MTA3: variants seen among roughly 807,000 people sequenced by gnomAD.
The protein encoded by MTA3 is metastasis associated 1 family member 3.
A neutral mutation model predicts 83.5 loss-of-function variants in MTA3; 34 were observed. The ratio of observed to expected loss-of-function variants is 0.41; its 90% confidence interval spans 0.31 to 0.54. MTA3 has a LOEUF of 0.54. Ranked by LOEUF, MTA3 falls within the 20% of genes least tolerant of loss-of-function variation. MTA3 has a pLI of 0.33. For missense variants in MTA3, 761 were observed against 726.4 expected, an observed-to-expected ratio of 1.05 and a Z score of -0.55; for synonymous variants, 303 against 252.7, an observed-to-expected ratio of 1.20 and a Z score of -1.89.
chr2:42,516,306 G>C (rs1050081874), intron 2 of MTA3, among the ~76,000 whole-genome samples: 3 of 152,132 alleles, frequency 2.0e-5, no homozygotes, highest in African/African-American at 7.2e-5. Context: ...ATTTTAGGTT[G>C]GGAAGAGTAG....
chr2:42,756,479 C>A lies in MTA3; in HGVS notation c.*3080C>A. On this transcript the variant is annotated 3_prime_UTR_variant, in exon 17 of 17. Transcript: ENST00000405094. ...CTGAGGGCAAGCAGGTGGGGCTGTG[C>A]GTGGCCTCAGTGCACTCGGTGTCAT... The A allele has an allele frequency of 1.0e-6, 1 of 985,532 alleles. No individual in the cohort carries two copies. The highest frequency in any genetic ancestry group is 1.2e-6 in the Non-Finnish European group (1 of 830,034). 61.0% of individuals were successfully genotyped at this position (985,532 alleles called of 1,614,324 possible).
chr2:42,538,352 CT>C (rs574463304), intron 2 of MTA3, among the ~76,000 whole-genome samples: 21 of 152,168 alleles, frequency 1.4e-4, no homozygotes, highest in African/African-American at 4.8e-4. Flanking sequence ...TGTTCATTAT[CT>C]TGTTCTTGTA....
chr2:42,517,573 CA>C (rs70963320), intron 2 of MTA3, among the ~76,000 whole-genome samples: 43,624 of 98,372 alleles, frequency 0.44, 7,169 homozygotes, highest in African/African-American at 0.51. Context: ...AATTCCATCT[CA>C]AAAAAAAAAA....
intron 14 of MTA3, chr2:42,712,628 CT>C (rs1438484477): frequency 6.6e-6 from 1 of 152,134 alleles, no homozygotes; most frequent in African/African-American, 2.4e-5. Flanking sequence ...GTAGACAGTA[CT>C]TATTAAAAAT....
At chr2:42,536,842 G>C (rs1365221746) in intron 2 of MTA3, among the ~76,000 whole-genome samples, 1 of 127,768 alleles carries the variant, frequency 7.8e-6, no homozygotes, top group Non-Finnish European at 1.6e-5. Flanking sequence ...CTGGGCAACA[G>C]AGTGAGACCC....
In MTA3 at chr2:42,656,328, G is replaced by A. The variant is rs745883561; in HGVS notation, c.602+26G>A. ...GTGAGTATGAGTATGGCATTATTGA[G>A]TCAATAAATTTCTTTATATAAAAGA... On this transcript the variant is annotated intron_variant, in intron 7 of 16. Coordinates refer to ENST00000405094, the MANE Select transcript of MTA3 (RefSeq NM_001330442.2). 11 of 1,454,402 alleles carry A rather than the reference G, an allele frequency of 7.6e-6. 2 individuals are homozygous for A. The South Asian group carries it at 1.4e-4, about 18-fold the overall frequency. The allele number at this position is 1,454,402 out of a possible 1,614,324, so 90.1% of individuals were successfully genotyped here.
chr2:42,612,425 A>G, intron 4 of MTA3, among the ~76,000 whole-genome samples: 1 of 152,178 alleles, frequency 6.6e-6, no homozygotes, highest in Middle Eastern at 3.2e-3. Flanking sequence ...CATGGTGGCC[A>G]GACTGGTCTT....
At chr2:42,667,574 G>GTGTGTGTGTGTGTGTT (rs1690349651) in intron 8 of MTA3, among the ~76,000 whole-genome samples, 3 of 121,168 alleles carry the variant, frequency 2.5e-5, no homozygotes, top group South Asian at 2.9e-4. Flanking sequence ...TAAAAATTGT[G>GTGTGTGTGTGTGTGTT]TGTGTGTGTG....
chr2:42,666,278 A>G (rs1332817353), intron 8 of MTA3, among the ~76,000 whole-genome samples: 2 of 152,192 alleles, frequency 1.3e-5, no homozygotes, highest in Non-Finnish European at 2.9e-5. Context: ...CTCCATCTGA[A>G]AAAAACAAAA....
intron 12 of MTA3, among the ~76,000 whole-genome samples, chr2:42,706,655 C>T (rs986349989): frequency 6.6e-6 from 1 of 152,176 alleles, no homozygotes; most frequent in African/African-American, 2.4e-5. Context: ...TATGTCTCAA[C>T]CTCAATGTTT....
At chr2:42,661,196 A>G (rs1314879044) in intron 8 of MTA3, among the ~76,000 whole-genome samples, 2 of 152,200 alleles carry the variant, frequency 1.3e-5, no homozygotes, top group Admixed American at 1.3e-4. Flanking sequence ...ATATTTTATC[A>G]GAGAAGCAAG....
At chr2:42,539,892 T>A (rs1187695514) in intron 2 of MTA3, among the ~76,000 whole-genome samples, 2 of 152,124 alleles carry the variant, frequency 1.3e-5, no homozygotes, top group Non-Finnish European at 2.9e-5. Context: ...AAGCTCTTGA[T>A]AAGCTACACT....
intron 2 of MTA3, among the ~76,000 whole-genome samples, chr2:42,495,497 G>A (rs1322651552): frequency 3.3e-5 from 5 of 152,126 alleles, no homozygotes; most frequent in Non-Finnish European, 5.9e-5. Context: ...TATCTACTAA[G>A]TAGATATTAA....
At chr2:42,603,669 A>G (rs1682853850) in intron 3 of MTA3, among the ~76,000 whole-genome samples, 1 of 152,324 alleles carries the variant, frequency 6.6e-6, no homozygotes, top group African/African-American at 2.4e-5. Flanking sequence ...TTTAATATGT[A>G]CTTTAAGGTA....
chr2:42,644,403 A>ATTAT, intron 6 of MTA3, among the ~76,000 whole-genome samples, 159 bp downstream of exon 6: 1 of 152,160 alleles, frequency 6.6e-6, no homozygotes, highest in East Asian at 1.9e-4. Context: ...AAATAAATAA[A>ATTAT]TAAATAGAGA....
intron 11 of MTA3, 27 bp from the exon 12 acceptor site, chr2:42,704,167 A>T (rs770565105): frequency 1.2e-6 from 2 of 1,609,082 alleles, no homozygotes; most frequent in Non-Finnish European, 1.7e-6. Flanking sequence ...AAATCATTTT[A>T]TCACCTTATT....
intron 8 of MTA3, among the ~76,000 whole-genome samples, chr2:42,675,511 A>T (rs1403502507): frequency 1.3e-5 from 2 of 152,206 alleles, no homozygotes; most frequent in Non-Finnish European, 2.9e-5. Context: ...TTTGTTACAC[A>T]GCTTAAACAT....
chr2:42,629,722 T>C (rs1686487116), intron 4 of MTA3, among the ~76,000 whole-genome samples: 1 of 152,130 alleles, frequency 6.6e-6, no homozygotes, highest in Admixed American at 6.6e-5. Context: ...TGAATTCTTC[T>C]GATCTCGTTC....
chr2:42,657,696 G>T (rs1689290651), intron 7 of MTA3, among the ~76,000 whole-genome samples: 1 of 150,206 alleles, frequency 6.7e-6, no homozygotes, highest in Admixed American at 6.7e-5. Context: ...GGGAGGCCAA[G>T]GCAGGAGGAT....
Sources: gnomAD v4.1 joint callset for allele counts (sites outside exome capture counted in the v4.1 genomes callset) on GRCh38, gnomAD v4.1.1 for gene constraint, MANE v1.5 for transcripts, NCBI Gene and HGNC (gene_info 2026-07-23, HGNC 2026-07-21) for gene names.